Variants in ZSWIM5 observed in about 807,000 individuals in gnomAD.
ZSWIM5 encodes the protein zinc finger SWIM domain-containing protein 5.
ZSWIM5 carries 55 observed loss-of-function variants against 119.6 expected under a neutral mutation model. The ratio of observed to expected loss-of-function variants is 0.46; its 90% confidence interval spans 0.37 to 0.58. ZSWIM5 has a LOEUF of 0.58. Among genes scored for constraint, ZSWIM5 ranks in the 20% least tolerant of loss-of-function variants. The pLI, the probability that ZSWIM5 is intolerant of heterozygous loss-of-function variation, is 0.00. For synonymous variants in ZSWIM5, 537 were observed against 606.9 expected (o/e 0.88, Z 1.69); for missense variants, 1,193 against 1,512.8 (o/e 0.79, Z 3.51).
intron 8 of ZSWIM5, among the ~76,000 whole-genome samples, chr1:45,038,537 G>C (rs751578883): frequency 6.8e-6 from 1 of 146,016 alleles, no homozygotes; most frequent in South Asian, 2.2e-4. Context: ...TTGGACAAGA[G>C]GGGGAAAAAA....
chr1:45,060,223 G>A lies in ZSWIM5; in HGVS notation c.977C>T (p.Ala326Val). The change falls in exon 3 of 14, where the codon GCC (alanine) becomes GTC (valine). Residue 326 changes from alanine to valine, a missense_variant. Ala to Val is a moderately conservative substitution (Grantham distance 64). Transcript: ENST00000359600. ...CCAACAGTTCTCATCGTCAATGCTG[G>A]CCCCAGCTGTGGGGTCAGGGGCACC... is the stretch of plus-strand genomic sequence containing the variant. ...VNGAPDPTAG[A>V]SIDDENCWHL... The A allele has an allele frequency of 6.2e-7, 1 of 1,613,912 alleles. No homozygotes were observed. Among genetic ancestry groups the A allele is most frequent in the South Asian group, 1.1e-5 (1 of 91,060 alleles).
At chr1:45,184,267 C>T (rs1570195043) in intron 1 of ZSWIM5, among the ~76,000 whole-genome samples, 1 of 152,058 alleles carries the variant, frequency 6.6e-6, no homozygotes, top group African/African-American at 2.4e-5. Flanking sequence ...TAAGAGCTAT[C>T]TATGACAAAC....
At position 45,017,045 on chromosome 1, in the gene ZSWIM5, CTA is replaced by C. The variant is rs969581236; in HGVS notation, c.*1407_*1408del. The C allele has an allele frequency of 5.9e-5, 9 of 152,180 alleles. No individual in the cohort carries two copies. The highest frequency in any genetic ancestry group is 2.2e-4 in the African/African-American group (9 of 41,408). 9.4% of individuals were successfully genotyped at this position (152,180 alleles called of 1,614,324 possible). On this transcript the variant is annotated 3_prime_UTR_variant, in exon 14 of 14. Coordinates refer to ENST00000359600, the MANE Select transcript of ZSWIM5 (RefSeq NM_020883.2). ...AAGCAAGTATGAGGCGAGAAGAGAA[CTA>C]TGGAGCTAAAGCAGCCAATCTGATG...
intron 1 of ZSWIM5, among the ~76,000 whole-genome samples, chr1:45,146,049 G>A (rs1316317994): frequency 6.6e-6 from 1 of 152,192 alleles, no homozygotes; most frequent in African/African-American, 2.4e-5. Flanking sequence ...TGGCTCTGAT[G>A]AGAATGGATC....
chr1:45,194,911 CA>C (rs1646113262), intron 1 of ZSWIM5, among the ~76,000 whole-genome samples: 1 of 151,728 alleles, frequency 6.6e-6, no homozygotes. Flanking sequence ...AACTTGTAAG[CA>C]GTAAAGTGTT....
chr1:45,147,387 T>A (rs1244158214), intron 1 of ZSWIM5, among the ~76,000 whole-genome samples: 1 of 152,096 alleles, frequency 6.6e-6, no homozygotes, highest in Non-Finnish European at 1.5e-5. Flanking sequence ...CAATTTTCTA[T>A]AAAATTCCCT....
At chr1:45,055,718 A>G (rs1645117734) in intron 4 of ZSWIM5, among the ~76,000 whole-genome samples, 1 of 152,188 alleles carries the variant, frequency 6.6e-6, no homozygotes, top group Admixed American at 6.5e-5. Flanking sequence ...GGGGGCACTC[A>G]ATATTTAGAA....
chr1:45,032,470 T>G, intron 11 of ZSWIM5, among the ~76,000 whole-genome samples: 1 of 142,970 alleles, frequency 7.0e-6, no homozygotes. Flanking sequence ...GGTATAAAAT[T>G]CTAGTTTGAC....
intron 1 of ZSWIM5, among the ~76,000 whole-genome samples, chr1:45,110,958 C>A (rs1645513197): frequency 1.3e-5 from 2 of 152,144 alleles, no homozygotes. Flanking sequence ...ACTCATTCAT[C>A]AAACATTTAA....
intron 2 of ZSWIM5, among the ~76,000 whole-genome samples, chr1:45,068,107 C>CTTTTTTTTTTTTTTTTT (rs71040545): frequency 8.8e-6 from 1 of 113,288 alleles, no homozygotes; most frequent in Non-Finnish European, 1.7e-5. Context: ...TTTTTTTTTT[C>CTTTTTTTTTTTTTTTTT]TTTTTTTTTT....
chr1:45,106,552 GAGCGCCTCTGCCC>G (rs1297995658), intron 1 of ZSWIM5, among the ~76,000 whole-genome samples: 1 of 148,624 alleles, frequency 6.7e-6, no homozygotes, highest in Non-Finnish European at 1.5e-5. Context: ...GGGATGTGAG[GAGCGCCTCTGCCC>G]AGCTGCCACC....
At chr1:45,095,019 C>T (rs1645391742) in intron 1 of ZSWIM5, among the ~76,000 whole-genome samples, 1 of 152,148 alleles carries the variant, frequency 6.6e-6, no homozygotes, top group Non-Finnish European at 1.5e-5. Context: ...AAAGCAAATC[C>T]CACAAATATC....
At chr1:45,137,459 A>T (rs1334609636) in intron 1 of ZSWIM5, among the ~76,000 whole-genome samples, 1 of 152,242 alleles carries the variant, frequency 6.6e-6, no homozygotes, top group Non-Finnish European at 1.5e-5. Context: ...CAACTGCTAT[A>T]GAAAAAAAAA....
At chr1:45,191,205 T>G (rs1476966638) in intron 1 of ZSWIM5, among the ~76,000 whole-genome samples, 2 of 151,556 alleles carry the variant, frequency 1.3e-5, no homozygotes, top group Non-Finnish European at 2.9e-5. Flanking sequence ...AGTGCTGGGA[T>G]TACAGGCGTG....
intron 7 of ZSWIM5, among the ~76,000 whole-genome samples, chr1:45,040,043 G>T (rs893599288): frequency 2.6e-5 from 4 of 151,906 alleles, no homozygotes; most frequent in Admixed American, 6.6e-5. Context: ...TCACCATGTT[G>T]CCCAGGCTGG....
intron 1 of ZSWIM5, among the ~76,000 whole-genome samples, chr1:45,124,635 G>T (rs990006445): frequency 6.6e-6 from 1 of 151,994 alleles, no homozygotes; most frequent in African/African-American, 2.4e-5. Context: ...AATGAAAATG[G>T]TCTAAATATA....
At chr1:45,099,240 A>G (rs1292074770) in intron 1 of ZSWIM5, among the ~76,000 whole-genome samples, 1 of 152,230 alleles carries the variant, frequency 6.6e-6, no homozygotes, top group Non-Finnish European at 1.5e-5. Context: ...CCACAGAAAT[A>G]CAAACTACCA....
intron 1 of ZSWIM5, among the ~76,000 whole-genome samples, chr1:45,147,831 T>C (rs1183995885): frequency 6.6e-6 from 1 of 151,952 alleles, no homozygotes; most frequent in Non-Finnish European, 1.5e-5. Context: ...ACAACACACT[T>C]CCTTTTTAAT....
intron 1 of ZSWIM5, among the ~76,000 whole-genome samples, chr1:45,095,804 T>C (rs1220445723): frequency 1.3e-5 from 2 of 152,338 alleles, no homozygotes; most frequent in Non-Finnish European, 2.9e-5. Context: ...CCTTGACTTA[T>C]TATTTCATCA....
Sources: gnomAD v4.1 joint callset for allele counts (sites outside exome capture counted in the v4.1 genomes callset) on GRCh38, gnomAD v4.1.1 for gene constraint, MANE v1.5 for transcripts, NCBI Gene and HGNC (gene_info 2026-07-23, HGNC 2026-07-21) for gene names.